RNH1: variants seen among roughly 807,000 people sequenced by gnomAD.
RNH1 encodes ribonuclease inhibitor.
RNH1 carries 38 observed loss-of-function variants against 46.1 expected under a neutral mutation model. That is an observed-to-expected ratio of 0.82 (90% CI 0.64 to 1.08). The LOEUF is 1.08. RNH1 is among the 50% of genes least tolerant of loss of function. The pLI is 0.00. For synonymous variants in RNH1, 319 were observed against 279.1 expected (o/e 1.14, Z -1.43); for missense variants, 577 against 590.7 (o/e 0.98, Z 0.24).
rs890594107 is a variant in RNH1, at chr11:499,276, TC to T, written c.444-92del. 1.2e-4 allele frequency: 167 copies of T among 1,399,454 alleles called. 1 individual carries two copies. The highest frequency in any genetic ancestry group is 1.3e-4 in the Non-Finnish European group (134 of 1,020,550). 86.7% of individuals were successfully genotyped at this position (1,399,454 alleles called of 1,614,324 possible). On this transcript the variant is annotated intron_variant, in intron 5 of 10. Coordinates refer to ENST00000354420, the MANE Select transcript of RNH1 (RefSeq NM_203387.3). ...GCACGGGGTGTGCTGGTGTCTCATCTCCCCTCAGTCTTCTGCCTGGGCATCA... is the reference window on the plus strand; with the variant it reads ...GCACGGGGTGTGCTGGTGTCTCATCTCCCTCAGTCTTCTGCCTGGGCATCA...
At chr11:505,627 T>C (rs1850198335) in intron 1 of RNH1, 2 of 152,152 alleles carry the variant, frequency 1.3e-5, no homozygotes, top group Admixed American at 6.6e-5. Flanking sequence ...GATGAGAAAA[T>C]AGCTCACTGC....
intron 5 of RNH1, 151 bp downstream of exon 5, chr11:499,678 G>A (rs1849558497): frequency 1.1e-6 from 1 of 928,792 alleles, no homozygotes; most frequent in Non-Finnish European, 1.7e-6. Flanking sequence ...CAAGGCCCCA[G>A]ACCCAGCATC....
chr11:499,427 G>C lies in RNH1; in HGVS notation c.444-242C>G, dbSNP rs1051976384. The stretch of plus-strand genomic sequence containing the variant: ...CAGACTTTGGGGCCCAACCAGGCCC[G>C]GGAGAAAGAAACCAGCCTCTGGAGG... On this transcript the variant is annotated intron_variant, in intron 5 of 10. Coordinates refer to ENST00000354420, the MANE Select transcript of RNH1 (RefSeq NM_203387.3). The C allele has an allele frequency of 1.0e-5, 7 of 676,860 alleles. No homozygotes were observed. The African/African-American group carries it at 1.2e-4, about 12-fold the overall frequency. 41.9% of individuals were successfully genotyped at this position (676,860 alleles called of 1,614,324 possible).
At chr11:506,781 G>T (rs1350753087) in intron 1 of RNH1, 1 of 152,368 alleles carries the variant, frequency 6.6e-6, no homozygotes, top group Non-Finnish European at 1.5e-5. Context: ...GGCACTAGAG[G>T]GCTTGACGGC....
rs1306302789 is a variant in RNH1 at position 494,669 on chromosome 11, G to C, written c.*22C>G. On this transcript the variant is annotated 3_prime_UTR_variant, in exon 11 of 11. Coordinates refer to ENST00000354420, the MANE Select transcript of RNH1 (RefSeq NM_203387.3). ...GTTGCCTCGAGGCCGGTCGTCCAGG[G>C]AGAGCAGCAGCAGGAAGAGCCTCAG... is the stretch of plus-strand genomic sequence containing the variant. 1 of 1,611,302 alleles carries C rather than the reference G, an allele frequency of 6.2e-7. No homozygotes were observed. Among genetic ancestry groups the C allele is most frequent in the East Asian group, 2.2e-5 (1 of 44,868 alleles).
rs956986362 is a variant in RNH1 at position 494,790 on chromosome 11, C to T, written c.1299-12G>A. ...AAATGTCGTACAGGCTGCACACAGG[C>T]CAGAAGGGAGGCATGGGCCCGTGTC... On this transcript the variant is annotated splice_polypyrimidine_tract_variant and intron_variant, in intron 10 of 10. Transcript: ENST00000354420. 6.2e-7 allele frequency: 1 copy of T among 1,613,748 alleles called. No homozygotes were observed. The highest frequency in any genetic ancestry group is 2.2e-5 in the East Asian group (1 of 44,868).
chr11:495,260 C>T (rs1050864077), intron 9 of RNH1, among the ~76,000 whole-genome samples: 2 of 152,234 alleles, frequency 1.3e-5, no homozygotes, highest in Non-Finnish European at 2.9e-5. Flanking sequence ...AAGCGAGGCA[C>T]AAGCAGCCTC....
rs547428649 is a variant in RNH1 at position 496,445 on chromosome 11, G to A, written c.1128-1392C>T. Among the ~76,000 whole-genome samples the A allele has an allele frequency of 5.3e-5, 8 of 152,218 alleles. No homozygotes were observed. In the East Asian group the frequency reaches 5.8e-4, roughly 11 times the overall value. ...AGCAATTTAGGAGGCCGAGGCAGGC[G>A]GATCACGAGGTCAGGATATCAAGAC... On this transcript the variant is annotated intron_variant, in intron 9 of 10. Coordinates refer to ENST00000354420, the MANE Select transcript of RNH1 (RefSeq NM_203387.3).
At chr11:500,048 C>G (rs1160993405) in intron 4 of RNH1, 49 bp from the exon 5 acceptor site, 1 of 1,481,792 alleles carries the variant, frequency 6.7e-7, no homozygotes, top group Non-Finnish European at 9.0e-7. Context: ...CAAGCTGCCA[C>G]GCCCTTCGCC....
chr11:497,463 G>A (rs1849241861), intron 9 of RNH1, among the ~76,000 whole-genome samples: 1 of 127,108 alleles, frequency 7.9e-6, no homozygotes, highest in Admixed American at 8.1e-5. Flanking sequence ...ACACACTCGT[G>A]CTCCCTCTCG....
At chr11:499,288 TC>T in intron 5 of RNH1, 103 bp from the exon 6 acceptor site, 2 of 1,297,592 alleles carry the variant, frequency 1.5e-6, no homozygotes, top group South Asian at 2.6e-5. Context: ...CCCTCAGTCT[TC>T]TGCCTGGGCA....
At chr11:503,867 C>T (rs879096880) in intron 2 of RNH1, among the ~76,000 whole-genome samples, 1 of 152,152 alleles carries the variant, frequency 6.6e-6, no homozygotes, top group Admixed American at 6.5e-5. Flanking sequence ...CCCAGAAAGG[C>T]CCTTCTGAAT....
chr11:499,949 G>A lies in RNH1; in HGVS notation c.323C>T (p.Thr108Ile). The change falls in exon 5 of 11, where the codon ACA becomes ATA. Residue 108 changes from threonine (T) to isoleucine (I), a missense_variant. Thr to Ile is a moderately conservative substitution (Grantham distance 89). Transcript: ENST00000354420. ...TGAGCGVLSS[T>I]LRTLPTLQEL... ...CTGCAGGGTGGGCAGGGTGCGTAGT[G>A]TGCTGGACAGGACCCCGCAGCCGGC... is the stretch of plus-strand genomic sequence containing the variant. The A allele has an allele frequency of 6.2e-7, 1 of 1,609,404 alleles. No individual in the cohort carries two copies. The highest frequency in any genetic ancestry group is 8.5e-7 in the Non-Finnish European group (1 of 1,178,534).
intron 9 of RNH1, among the ~76,000 whole-genome samples, chr11:495,964 G>A (rs1010493230): frequency 1.3e-5 from 2 of 152,090 alleles, no homozygotes; most frequent in African/African-American, 4.8e-5. Flanking sequence ...TAGACTGGCT[G>A]GTAAATGAGA....
Position 502,667 on chromosome 11 carries a change from A to G in RNH1, c.-87-418T>C. ...GACAGGCAGACTGTGCGGGCCAGGC[A>G]GGCTGCCCACAAAGCCAGAGACCTC... On this transcript the variant is annotated intron_variant, in intron 2 of 10. Coordinates refer to ENST00000354420, the MANE Select transcript of RNH1 (RefSeq NM_203387.3). This position sits in a 1 kb window ranked among gnomAD's most constrained non-coding sequence, Gnocchi z 5.8. 6.1e-6 allele frequency: 1 copy of G among 163,308 alleles called. No homozygotes were observed. The highest frequency in any genetic ancestry group is 5.9e-5 in the Admixed American group (1 of 16,998). 10.1% of individuals were successfully genotyped at this position (163,308 alleles called of 1,614,324 possible). A position where few individuals can be genotyped will look rare whatever the true frequency, so the allele number is the denominator to read the frequency against.
chr11:495,201 C>T (rs1590714622), intron 9 of RNH1, 148 bp from the exon 10 acceptor site: 1 of 783,590 alleles, frequency 1.3e-6, no homozygotes, highest in Non-Finnish European at 2.0e-6. Flanking sequence ...GGCTCACCGT[C>T]CCTGTGGCCC....
At chr11:497,637 G>T (rs12791261) in intron 9 of RNH1, among the ~76,000 whole-genome samples, 1 of 128,364 alleles carries the variant, frequency 7.8e-6, no homozygotes, top group South Asian at 2.5e-4. Context: ...GCTCACACAC[G>T]GACACTCGTG....
chr11:498,247 G>A, intron 8 of RNH1, 106 bp from the exon 9 acceptor site: 4 of 1,358,456 alleles, frequency 2.9e-6, no homozygotes, highest in African/African-American at 1.5e-5. Context: ...AAAAACATCT[G>A]ACAGCCTCCC....
Position 498,783 on chromosome 11 carries a change from G to A in RNH1, c.765C>T (p.Ser255=), listed in dbSNP as rs763962597. 18 of 1,603,388 alleles carry A rather than the reference G, an allele frequency of 1.1e-5. No individual in the cohort carries two copies. The Admixed American group carries it at 1.2e-4, about 10-fold the overall frequency. ...CTCACCACAGGGTCCTGAGCCTGGAGCTGGGGTGGAGCAGCCCTGGGCACA... is the reference window on the plus strand; with the variant it reads ...CTCACCACAGGGTCCTGAGCCTGGAACTGGGGTGGAGCAGCCCTGGGCACA... ...AELCPGLLHP[S]SRLRTLWIWE... Residue 255 remains serine, a synonymous_variant, in exon 7 of 11, where the codon AGC becomes AGT. Transcript: ENST00000354420.
Sources: gnomAD v4.1 joint callset for allele counts (sites outside exome capture counted in the v4.1 genomes callset) on GRCh38, gnomAD v4.1.1 for gene constraint, Gnocchi (gnomAD v3.1) non-coding constraint, MANE v1.5 for transcripts, NCBI Gene and HGNC (gene_info 2026-07-23, HGNC 2026-07-21) for gene names.